UNC13C: variants seen among roughly 807,000 people sequenced by gnomAD.
UNC13C encodes the protein protein unc-13 homolog C.
Under a neutral mutation model 245.4 loss-of-function variants are expected in UNC13C, and 174 were observed. That is an observed-to-expected ratio of 0.71 (90% CI 0.63 to 0.80). The LOEUF is 0.80. Ranked by LOEUF, UNC13C falls within the 30% of genes least tolerant of loss-of-function variation. UNC13C has a pLI of 0.00. For missense variants in UNC13C, 2,829 were observed against 2,602.9 expected, an observed-to-expected ratio of 1.09 and a Z score of -1.89; for synonymous variants, 992 against 895.1, an observed-to-expected ratio of 1.11 and a Z score of -1.93.
At chr15:53,934,926 C>T in the UNC13C span, among the ~76,000 whole-genome samples, 2 of 152,240 alleles carry the variant, frequency 1.3e-5, no homozygotes, top group Admixed American at 6.5e-5. Context: ...ATCCTAATAT[C>T]ATTACATTGG....
At chr15:53,984,127 G>A (rs1446034524) in intron 1 of UNC13C, among the ~76,000 whole-genome samples, 2 of 152,030 alleles carry the variant, frequency 1.3e-5, no homozygotes, top group Non-Finnish European at 2.9e-5. Context: ...CATGACATAT[G>A]TCACTCCCTG....
At chr15:54,432,429 C>T (rs149729569) in intron 19 of UNC13C, among the ~76,000 whole-genome samples, 4,451 of 151,908 alleles carry the variant, frequency 0.029, 176 homozygotes, top group Admixed American at 0.12. Flanking sequence ...CAAATTAGAA[C>T]TCAGGATTAA....
At chr15:54,552,384 A>T (rs550862398) in intron 28 of UNC13C, among the ~76,000 whole-genome samples, 26 of 99,864 alleles carry the variant, frequency 2.6e-4, no homozygotes, top group Admixed American at 8.5e-4. Flanking sequence ...ATTACAGCAT[A>T]TAATATAATA....
At chr15:53,855,236 G>A in the UNC13C span, among the ~76,000 whole-genome samples, 1 of 152,184 alleles carries the variant, frequency 6.6e-6, no homozygotes, top group African/African-American at 2.4e-5. Context: ...CATGTCATCT[G>A]TAAGCAGAGA....
At chr15:54,179,406 A>G (rs1215812084) in intron 4 of UNC13C, among the ~76,000 whole-genome samples, 1 of 152,130 alleles carries the variant, frequency 6.6e-6, no homozygotes, top group South Asian at 2.1e-4. Context: ...CACTAAATGT[A>G]GGAATACATG....
chr15:54,397,094 A>G (rs960801477), intron 18 of UNC13C, among the ~76,000 whole-genome samples: 7 of 151,434 alleles, frequency 4.6e-5, no homozygotes, highest in African/African-American at 1.4e-4. Context: ...AAAAAATTCT[A>G]TTTTAGAAAT....
chr15:54,389,594 A>T (rs1178995114), intron 17 of UNC13C, among the ~76,000 whole-genome samples: 1 of 152,242 alleles, frequency 6.6e-6, no homozygotes, highest in African/African-American at 2.4e-5. Context: ...AGTACATGAT[A>T]CTAACATAGA....
chr15:54,055,623 T>C (rs1244493775), intron 2 of UNC13C, among the ~76,000 whole-genome samples: 1 of 152,172 alleles, frequency 6.6e-6, no homozygotes, highest in Non-Finnish European at 1.5e-5. Flanking sequence ...TTGGAAAGTG[T>C]TAAGCATTAC....
At chr15:54,182,514 G>T (rs1244254202) in intron 4 of UNC13C, among the ~76,000 whole-genome samples, 2 of 152,130 alleles carry the variant, frequency 1.3e-5, no homozygotes, top group East Asian at 3.9e-4. Flanking sequence ...TCAGGGTGAT[G>T]CTGGCTTCAT....
intron 17 of UNC13C, among the ~76,000 whole-genome samples, chr15:54,351,496 G>A (rs536500551): frequency 6.9e-4 from 105 of 152,264 alleles, no homozygotes; most frequent in African/African-American, 2.4e-3. Flanking sequence ...CCCAAGGCTT[G>A]CGCTCCTCTT....
At chr15:54,232,036 C>G (rs1472930399) in intron 4 of UNC13C, among the ~76,000 whole-genome samples, 1 of 152,068 alleles carries the variant, frequency 6.6e-6, no homozygotes, top group Non-Finnish European at 1.5e-5. Context: ...TAGACCTTAT[C>G]TATATTTATC....
intron 2 of UNC13C, among the ~76,000 whole-genome samples, chr15:54,112,190 T>C (rs191889895): frequency 1.3e-5 from 2 of 152,286 alleles, no homozygotes. Context: ...GGATAATACC[T>C]GAGGTTCGTT....
intron 20 of UNC13C, among the ~76,000 whole-genome samples, chr15:54,495,791 A>C (rs955965483): frequency 2.0e-5 from 3 of 152,154 alleles, no homozygotes; most frequent in Middle Eastern, 3.4e-3. Context: ...AATGGGGGGC[A>C]GAGAAGAGAT....
chr15:54,026,216 G>A (rs1354295041), intron 2 of UNC13C, among the ~76,000 whole-genome samples: 1 of 152,112 alleles, frequency 6.6e-6, no homozygotes, highest in African/African-American at 2.4e-5. Flanking sequence ...CATATATATT[G>A]AATCCTCATA....
intron 10 of UNC13C, among the ~76,000 whole-genome samples, chr15:54,293,199 C>G (rs969930141): frequency 1.1e-4 from 16 of 151,708 alleles, no homozygotes; most frequent in South Asian, 6.2e-4. Flanking sequence ...TTGCAGATTC[C>G]TAAAGATTGA....
At chr15:54,541,409 G>A (rs1896238647) in intron 26 of UNC13C, among the ~76,000 whole-genome samples, 1 of 152,106 alleles carries the variant, frequency 6.6e-6, no homozygotes, top group Non-Finnish European at 1.5e-5. Context: ...AGGCTGCCCT[G>A]AAATATATGA....
chr15:54,115,847 T>G (rs1293309985), intron 2 of UNC13C, among the ~76,000 whole-genome samples: 1 of 152,074 alleles, frequency 6.6e-6, no homozygotes, highest in Non-Finnish European at 1.5e-5. Context: ...TATTAGGAGA[T>G]GAAGGCATGT....
At chr15:54,524,375 T>C (rs530403969) in intron 24 of UNC13C, among the ~76,000 whole-genome samples, 5 of 152,160 alleles carry the variant, frequency 3.3e-5, no homozygotes, top group Non-Finnish European at 7.3e-5. Context: ...TTGCCTCTGA[T>C]AGAGGGCAGA....
intron 13 of UNC13C, among the ~76,000 whole-genome samples, chr15:54,304,505 C>A (rs1567173889): frequency 6.6e-6 from 1 of 151,966 alleles, no homozygotes; most frequent in Non-Finnish European, 1.5e-5. Context: ...CTTCTTTCTG[C>A]CTCTATCGCC....
Sources: gnomAD v4.1 joint callset for allele counts (sites outside exome capture counted in the v4.1 genomes callset) on GRCh38, gnomAD v4.1.1 for gene constraint, MANE v1.5 for transcripts, NCBI Gene and HGNC (gene_info 2026-07-23, HGNC 2026-07-21) for gene names.